Variants in OR2T12 observed in about 807,000 individuals in gnomAD.
OR2T12 encodes olfactory receptor family 2 subfamily T member 12.
For missense variants in OR2T12, 335 were observed against 404.3 expected (o/e 0.83, Z 1.47); for synonymous variants, 127 against 160.5 (o/e 0.79, Z 1.58).
chr1:248,295,302 C>T lies in OR2T12; in HGVS notation c.277G>A (p.Ala93Thr), dbSNP rs143080755. Residue 93 changes from alanine (A) to threonine (T), a missense_variant, in exon 3 of 3, where the codon GCT becomes ACT. Transcript: ENST00000641276. The stretch of plus-strand genomic sequence containing the variant: ...AAGAAGATCTGCACACCACAGCCAG[C>T]GCGGGAGATGGCCTTATTTCCGGTC... ...YLTGNKAISRAGCGVQIFFLP... is the reference protein window; with the variant it reads ...YLTGNKAISRTGCGVQIFFLP... 0.011 allele frequency: 18,490 copies of T among 1,608,386 alleles called. 124 individuals are homozygous for T. Among genetic ancestry groups the T allele is most frequent in the Non-Finnish European group, 0.014 (15,978 of 1,177,738 alleles).
chr1:248,298,474 C>T (rs2103039137), intron 2 of OR2T12, among the ~76,000 whole-genome samples: 1 of 152,224 alleles, frequency 6.6e-6, no homozygotes, highest in East Asian at 1.9e-4. Context: ...GTGAATCCTT[C>T]TGGTCCTGGA....
Position 248,294,835 on chromosome 1 carries a change from G to T in OR2T12, c.744C>A (p.Leu248=). ...TCSSHVAVVG[L]FYGAGIFTYM... is the part of the protein sequence containing the mutation. Reference sequence around the variant, plus strand: ...AGGTAAAAATGCCAGCTCCATAAAAGAGTCCCACCACAGCCACATGTGAAG... The same window carrying T: ...AGGTAAAAATGCCAGCTCCATAAAATAGTCCCACCACAGCCACATGTGAAG... Residue 248 remains leucine, a synonymous_variant, in exon 3 of 3, where the codon CTC becomes CTA. Coordinates refer to ENST00000641276, the MANE Select transcript of OR2T12 (RefSeq NM_001004692.2). The T allele has an allele frequency of 6.2e-7, 1 of 1,613,154 alleles. No individual in the cohort carries two copies. The highest frequency in any genetic ancestry group is 8.5e-7 in the Non-Finnish European group (1 of 1,179,836).
Position 248,295,599 on chromosome 1 carries a change from T to C in OR2T12, c.-8-13A>G, listed in dbSNP as rs1346633297. 1 of 1,548,212 alleles carries C rather than the reference T, an allele frequency of 6.5e-7. No homozygotes were observed. The highest frequency in any genetic ancestry group is 1.3e-5 in the South Asian group (1 of 78,260). ...TCCATAATTTCCCCTGGTGTGATGG[T>C]GCAAATGGAAAAATAGAGAAAGAAG... On this transcript the variant is annotated splice_polypyrimidine_tract_variant and intron_variant, in intron 2 of 2. Transcript: ENST00000641276.
intron 2 of OR2T12, among the ~76,000 whole-genome samples, chr1:248,301,125 A>G (rs1478597903): frequency 5.3e-5 from 8 of 152,052 alleles, no homozygotes; most frequent in Non-Finnish European, 1.0e-4. Context: ...TCATACCCAC[A>G]TGCTAAAATT....
chr1:248,295,668 G>T (rs1430572625), intron 2 of OR2T12, 82 bp from the exon 3 acceptor site: 45 of 1,502,752 alleles, frequency 3.0e-5, no homozygotes, highest in Non-Finnish European at 3.8e-5. Flanking sequence ...ACAGTTTCTG[G>T]ACATATGTAC....
rs76866990 is a variant in OR2T12 at position 248,290,720 on chromosome 1, G to A, written c.*3896C>T. 23,703 of 152,022 alleles carry A rather than the reference G, an allele frequency of 0.16. 2,513 individuals carry two copies. The highest frequency in any genetic ancestry group is 0.38 in the East Asian group (1,947 of 5,162). 9.4% of individuals were successfully genotyped at this position (152,022 alleles called of 1,614,324 possible). A position where few individuals can be genotyped will look rare whatever the true frequency, so the allele number is the denominator to read the frequency against. On this transcript the variant is annotated 3_prime_UTR_variant, in exon 3 of 3. Transcript: ENST00000641276. ...GCTATTTCTCCGCATACGTGCCAGCGTCTGTTGTTTCCTGACTTTTTTTAC... is the reference window on the plus strand; with the variant it reads ...GCTATTTCTCCGCATACGTGCCAGCATCTGTTGTTTCCTGACTTTTTTTAC...
At position 248,294,572 on chromosome 1, in the gene OR2T12, A is replaced by C; in HGVS notation, c.*44T>G. ...TAAAGGGAGAGAATTACATAGTGTT[A>C]AAATGTTAATAAATTCAGGAACTTA... On this transcript the variant is annotated 3_prime_UTR_variant, in exon 3 of 3. Transcript: ENST00000641276. 1 of 1,577,266 alleles carries C rather than the reference A, an allele frequency of 6.3e-7. No individual in the cohort carries two copies. Among genetic ancestry groups the C allele is most frequent in the Non-Finnish European group, 8.6e-7 (1 of 1,163,508 alleles).
chr1:248,291,309 A>C lies in OR2T12; in HGVS notation c.*3307T>G, dbSNP rs1659630738. On this transcript the variant is annotated 3_prime_UTR_variant, in exon 3 of 3. Coordinates refer to ENST00000641276, the MANE Select transcript of OR2T12 (RefSeq NM_001004692.2). ...TCCCATACACCAATAATAGACAGAGAGCCAAATCATGAGTGAATTCCCATT... is the reference window on the plus strand; with the variant it reads ...TCCCATACACCAATAATAGACAGAGCGCCAAATCATGAGTGAATTCCCATT... The C allele has an allele frequency of 6.8e-6, 1 of 147,510 alleles. No individual in the cohort carries two copies. The highest frequency in any genetic ancestry group is 2.7e-5 in the African/African-American group (1 of 36,982). The allele number at this position is 147,510 out of a possible 1,614,324, so 9.1% of individuals were successfully genotyped here.
At chr1:248,302,696 G>T (rs1659826600) in intron 1 of OR2T12, among the ~76,000 whole-genome samples, 1 of 152,090 alleles carries the variant, frequency 6.6e-6, no homozygotes, top group South Asian at 2.1e-4. Flanking sequence ...GCAGATTGCA[G>T]ATTTTTTAAC....
Position 248,290,663 on chromosome 1 carries a change from T to C in OR2T12, c.*3953A>G, listed in dbSNP as rs1180809141. The C allele has an allele frequency of 2.0e-5, 3 of 152,184 alleles. No homozygotes were observed. The highest frequency in any genetic ancestry group is 7.2e-5 in the African/African-American group (3 of 41,454). The allele number at this position is 152,184 out of a possible 1,614,324, so 9.4% of individuals were successfully genotyped here. A position where few individuals can be genotyped will look rare whatever the true frequency, so the allele number is the denominator to read the frequency against. ...TGTCTTCCACAATGGTTGAACTAAT[T>C]TACACTCCCAAAACAACATGGTAAA... On this transcript the variant is annotated 3_prime_UTR_variant, in exon 3 of 3. Coordinates refer to ENST00000641276, the MANE Select transcript of OR2T12 (RefSeq NM_001004692.2).
chr1:248,290,968 G>A lies in OR2T12; in HGVS notation c.*3648C>T, dbSNP rs941284092. On this transcript the variant is annotated 3_prime_UTR_variant, in exon 3 of 3. Transcript: ENST00000641276. ...ACATAAATGTCTTCGTTTGAGAAAT[G>A]TCTGTTCATATACTTTGCCCACTTT... 1.3e-5 allele frequency: 2 copies of A among 150,558 alleles called. No individual in the cohort carries two copies. The highest frequency in any genetic ancestry group is 4.9e-5 in the African/African-American group (2 of 40,972). The allele number at this position is 150,558 out of a possible 1,614,324, so 9.3% of individuals were successfully genotyped here. A position where few individuals can be genotyped will look rare whatever the true frequency, so the allele number is the denominator to read the frequency against.
chr1:248,300,496 C>T (rs552694096), intron 2 of OR2T12, among the ~76,000 whole-genome samples: 1 of 152,186 alleles, frequency 6.6e-6, no homozygotes, highest in South Asian at 2.1e-4. Flanking sequence ...GGGTTTCCCA[C>T]CTCAGGGTGC....
intron 2 of OR2T12, among the ~76,000 whole-genome samples, chr1:248,300,128 A>G (rs1048385075): frequency 6.6e-6 from 1 of 152,104 alleles, no homozygotes; most frequent in Admixed American, 6.6e-5. Context: ...AAATAGAAAA[A>G]CGATGTCTAA....
chr1:248,294,929 C>G lies in OR2T12; in HGVS notation c.650G>C (p.Gly217Ala), dbSNP rs566006836. Reference sequence around the variant, plus strand: ...GAGCAGAACAGCAGCGAGGATGAGACCATAGGAGGACAGGATGAGGGAAAA... The same window carrying G: ...GAGCAGAACAGCAGCGAGGATGAGAGCATAGGAGGACAGGATGAGGGAAAA... ...VPFSLILSSY[G>A]LILAAVLLMR... Residue 217 changes from glycine (G) to alanine (A), a missense_variant, in exon 3 of 3, where the codon GGT becomes GCT. By Grantham distance (60) the Gly-to-Ala change is moderately conservative (BLOSUM62 0). Transcript: ENST00000641276. 51 of 1,611,734 alleles carry G rather than the reference C, an allele frequency of 3.2e-5. No homozygotes were observed. The East Asian group carries it at 1.0e-3, about 32-fold the overall frequency.
chr1:248,295,660 A>C (rs933372898), intron 2 of OR2T12, 74 bp from the exon 3 acceptor site: 71 of 1,515,318 alleles, frequency 4.7e-5, no homozygotes, highest in Non-Finnish European at 6.2e-5. Context: ...TTGACTGCAC[A>C]GTTTCTGGAC....
At chr1:248,300,508 A>G (rs1659799324) in intron 2 of OR2T12, among the ~76,000 whole-genome samples, 1 of 152,070 alleles carries the variant, frequency 6.6e-6, no homozygotes, top group Non-Finnish European at 1.5e-5. Context: ...TCAGGGTGCC[A>G]TTGTGTTAAC....
chr1:248,300,617 AC>A (rs1432429108), intron 2 of OR2T12, among the ~76,000 whole-genome samples: 1 of 152,082 alleles, frequency 6.6e-6, no homozygotes, highest in Non-Finnish European at 1.5e-5. Context: ...CAAGAAAATA[AC>A]TCATCTCAAC....
rs539331701 is a variant in OR2T12 at position 248,301,128 on chromosome 1, C to A, written c.-9+245G>T. On this transcript the variant is annotated intron_variant, in intron 2 of 2. Transcript: ENST00000641276. ...TCAAAATTCCCTTCATACCCACATG[C>A]TAAAATTGACTTCATTGATTTCATC... Among the ~76,000 whole-genome samples, 54 of 152,142 alleles carry A rather than the reference C, an allele frequency of 3.5e-4. 1 individual carries two copies. The South Asian group carries it at 0.011, about 31-fold the overall frequency.
In OR2T12 at chr1:248,299,044, A is replaced by T. The variant is rs189684410; in HGVS notation, c.-9+2329T>A. Among the ~76,000 whole-genome samples the T allele has an allele frequency of 3.9e-5, 6 of 152,324 alleles. No individual in the cohort carries two copies. In the South Asian group the frequency reaches 1.0e-3, roughly 26 times the overall value. On this transcript the variant is annotated intron_variant, in intron 2 of 2. Coordinates refer to ENST00000641276, the MANE Select transcript of OR2T12 (RefSeq NM_001004692.2). ...AGAGCTCCTGAAGGAAGCACTAAAC[A>T]TGGAAAGGAACAACGGGTACCAGCC...
Sources: allele counts gnomAD v4.1 joint callset (sites outside exome capture counted in the v4.1 genomes callset), GRCh38; gene constraint gnomAD v4.1.1; transcripts MANE v1.5; gene names NCBI Gene and HGNC (gene_info 2026-07-23, HGNC 2026-07-21).